Variants in MYH13 observed in about 807,000 individuals in gnomAD.
MYH13 encodes myosin-13.
MYH13 carries 177 observed loss-of-function variants against 232.1 expected under a neutral mutation model. The ratio of observed to expected loss-of-function variants is 0.76; its 90% CI spans 0.67 to 0.86. The LOEUF (loss-of-function observed/expected upper bound fraction) is 0.86. Among genes scored for constraint, MYH13 ranks in the 40% least tolerant of loss-of-function variants. MYH13 has a pLI of 0.00. For synonymous variants in MYH13, 884 were observed against 923.5 expected, an observed-to-expected ratio of 0.96 and a Z score of 0.78; for missense variants, 2,246 against 2,405.9, an observed-to-expected ratio of 0.93 and a Z score of 1.39.
At chr17:10,357,134 G>C (rs111857339) in intron 8 of MYH13, among the ~76,000 whole-genome samples, 3 of 152,024 alleles carry the variant, frequency 2.0e-5, no homozygotes, top group African/African-American at 7.2e-5. Flanking sequence ...CTAATTTTTT[G>C]TATTTTTAGT....
chr17:10,313,864 G>C (rs1906608013), intron 29 of MYH13, among the ~76,000 whole-genome samples: 1 of 152,202 alleles, frequency 6.6e-6, no homozygotes, highest in African/African-American at 2.4e-5. Context: ...AAGCCTGAAA[G>C]CATCTTTTGA....
chr17:10,358,312 A>G (rs1444827805), intron 7 of MYH13, among the ~76,000 whole-genome samples: 2 of 152,146 alleles, frequency 1.3e-5, no homozygotes, highest in African/African-American at 4.8e-5. Context: ...TATGAGAATG[A>G]TTATTCAGAA....
Position 10,344,052 on chromosome 17 carries a change from T to C in MYH13, c.1642A>G (p.Thr548Ala), listed in dbSNP as rs1448634375. The C allele has an allele frequency of 1.9e-6, 3 of 1,614,140 alleles. No homozygotes were observed. Among genetic ancestry groups the C allele is most frequent in the Non-Finnish European group, 1.7e-6 (2 of 1,180,020 alleles). The change falls in exon 16 of 41, where the codon ACC becomes GCC. Residue 548 changes from threonine (T) to alanine (A), a missense_variant. By Grantham distance (58) the Thr-to-Ala change is moderately conservative. Transcript: ENST00000252172. Reference protein sequence around the residue: ...EECMFPKATDTSFKNKLYDQH... With the variant: ...EECMFPKATDASFKNKLYDQH... ...TCATACAGCTTGTTCTTGAAGGAGG[T>C]GTCTGTTGCCTTGGGGAACATGCAC...
At chr17:10,369,533 T>C (rs929361729) in intron 2 of MYH13, among the ~76,000 whole-genome samples, 2 of 152,204 alleles carry the variant, frequency 1.3e-5, no homozygotes, top group Non-Finnish European at 2.9e-5. Flanking sequence ...TTGACAGTAT[T>C]GGTGTTAACA....
rs10587803 is a variant in MYH13 at position 10,353,931 on chromosome 17, A to AGAAGGAAGGAAGGAAGGAAG, written c.1005+729_1005+748dup. On this transcript the variant is annotated intron_variant, in intron 11 of 40. Transcript: ENST00000252172. ...AAGGAGAGAGAGAGGAAGGAAGGAAAGAAGGAAGGAAGGAAGGAAGGAAGG... is the reference window on the plus strand; with the variant it reads ...AAGGAGAGAGAGAGGAAGGAAGGAAAGAAGGAAGGAAGGAAGGAAGGAAGGAAGGAAGGAAGGAAGGAAGG... Among the ~76,000 whole-genome samples the AGAAGGAAGGAAGGAAGGAAG allele has an allele frequency of 4.0e-3, 579 of 146,152 alleles. 12 individuals carry two copies. The East Asian group carries it at 0.041, about 10-fold the overall frequency.
chr17:10,337,856 C>A (rs1299486284), intron 18 of MYH13, among the ~76,000 whole-genome samples: 4 of 152,084 alleles, frequency 2.6e-5, no homozygotes, highest in Non-Finnish European at 5.9e-5. Flanking sequence ...AGATCGAGAC[C>A]ATCCTGGCTA....
At chr17:10,308,331 A>G (rs1214680406) in intron 35 of MYH13, among the ~76,000 whole-genome samples, 1 of 150,986 alleles carries the variant, frequency 6.6e-6, no homozygotes, top group Non-Finnish European at 1.5e-5. Context: ...CTGTCTCAAA[A>G]AAAAAAAAAA....
Position 10,360,010 on chromosome 17 carries a change from T to C in MYH13, c.595A>G (p.Ile199Val), listed in dbSNP as rs369031834. 1.7e-4 allele frequency: 277 copies of C among 1,614,078 alleles called. 1 individual carries two copies. The South Asian group carries it at 2.8e-3, about 16-fold the overall frequency. The change falls in exon 7 of 41, where the codon ATT (isoleucine) becomes GTT (valine). Residue 199 changes from isoleucine to valine, a missense_variant. By Grantham distance (29) the Ile-to-Val change is conservative. Transcript: ENST00000252172. ...TTCTTCTTGTCCCCGGTAACTGCAA[T>C]TGTTGCAAAATACTGGATGACACGC... Reference protein sequence around the residue: ...TKRVIQYFATIAVTGDKKKET... With the variant: ...TKRVIQYFATVAVTGDKKKET...
chr17:10,364,168 G>A (rs1845179261), intron 3 of MYH13, among the ~76,000 whole-genome samples, 159 bp downstream of exon 3: 2 of 152,192 alleles, frequency 1.3e-5, no homozygotes, highest in Non-Finnish European at 2.9e-5. Flanking sequence ...GAAGGTGCAT[G>A]TAATAGCAGC....
At chr17:10,322,735 G>A (rs539783814) in intron 23 of MYH13, among the ~76,000 whole-genome samples, 163 of 144,264 alleles carry the variant, frequency 1.1e-3, no homozygotes, top group Admixed American at 4.1e-3. Context: ...CCGGGTTCAC[G>A]CCATTCTCCG....
At chr17:10,370,307 T>G (rs749371274) in intron 2 of MYH13, among the ~76,000 whole-genome samples, 3 of 152,236 alleles carry the variant, frequency 2.0e-5, no homozygotes, top group Non-Finnish European at 4.4e-5. Context: ...AACTGTGAGT[T>G]GGGACCCAGG....
At chr17:10,360,837 A>T (rs2071786512) in intron 5 of MYH13, among the ~76,000 whole-genome samples, 1 of 152,174 alleles carries the variant, frequency 6.6e-6, no homozygotes. Context: ...AGAAATTTGG[A>T]GACACACAAG....
chr17:10,306,673 C>G lies in MYH13; in HGVS notation c.5296-44G>C. ...CACATCAGAGGCCCTGTCCGCCCAT[C>G]CCTACCCAGAGCTTGCAGAAGAGGC... On this transcript the variant is annotated intron_variant, in intron 36 of 40. Transcript: ENST00000252172. The surrounding 1 kb of genome is among the most constrained non-coding windows in gnomAD (Gnocchi z 4.3). 6.2e-7 allele frequency: 1 copy of G among 1,610,234 alleles called. No individual in the cohort carries two copies. The highest frequency in any genetic ancestry group is 8.5e-7 in the Non-Finnish European group (1 of 1,178,504).
chr17:10,367,671 T>C (rs937759073), intron 2 of MYH13, among the ~76,000 whole-genome samples: 1 of 152,158 alleles, frequency 6.6e-6, no homozygotes, highest in Admixed American at 6.6e-5. Context: ...TTAATAAAAA[T>C]TACCATATTT....
intron 20 of MYH13, among the ~76,000 whole-genome samples, chr17:10,331,063 C>T (rs1364156153): frequency 6.6e-6 from 1 of 152,066 alleles, no homozygotes; most frequent in Admixed American, 6.6e-5. Flanking sequence ...ACAAAAACAA[C>T]GTGTGTTCCA....
rs1194283010 is a variant in MYH13, at chr17:10,306,641, C to T, written c.5296-12G>A. ...GCCATCATGGCAGCCTGGTTAAGTT[C>T]ACAGGACACATCAGAGGCCCTGTCC... On this transcript the variant is annotated splice_polypyrimidine_tract_variant and intron_variant, in intron 36 of 40. Transcript: ENST00000252172. This position sits in a 1 kb window ranked among gnomAD's most constrained non-coding sequence, Gnocchi z 4.3. The T allele has an allele frequency of 4.3e-6, 7 of 1,613,786 alleles. No homozygotes were observed. Among genetic ancestry groups the T allele is most frequent in the Non-Finnish European group, 5.9e-6 (7 of 1,179,968 alleles).
At chr17:10,322,300 A>G (rs542227761) in intron 23 of MYH13, among the ~76,000 whole-genome samples, 17 of 152,220 alleles carry the variant, frequency 1.1e-4, no homozygotes, top group African/African-American at 4.1e-4. Context: ...CAGGAGGCTG[A>G]AACAGGAGAA....
Position 10,309,426 on chromosome 17 carries a change from C to T in MYH13, c.4977G>A (p.Leu1659=), listed in dbSNP as rs377476709. 1.2e-6 allele frequency: 2 copies of T among 1,603,244 alleles called. No individual in the cohort carries two copies. The highest frequency in any genetic ancestry group is 1.6e-4 in the Middle Eastern group (1 of 6,068). ...TVQGQLKDSQ[L]HLDDALRSNE... The stretch of plus-strand genomic sequence containing the variant: ...TGCTCCTCAGGGCGTCATCGAGATG[C>T]AGCTGGGAGTCCTGCAGGGGAGACC... The change falls in exon 35 of 41, where the codon CTG becomes CTA. Residue 1659 remains leucine (L), a synonymous_variant. Coordinates refer to ENST00000252172, the MANE Select transcript of MYH13 (RefSeq NM_003802.3).
intron 1 of MYH13, among the ~76,000 whole-genome samples, chr17:10,371,956 A>T (rs988310658): frequency 6.6e-6 from 1 of 152,076 alleles, no homozygotes; most frequent in African/African-American, 2.4e-5. Flanking sequence ...TGTCTGAAAA[A>T]TTTTCAATAT....
Sources: allele counts gnomAD v4.1 joint callset (sites outside exome capture counted in the v4.1 genomes callset), GRCh38; gene constraint gnomAD v4.1.1; non-coding constraint Gnocchi (gnomAD v3.1); transcripts MANE v1.5; gene names NCBI Gene and HGNC (gene_info 2026-07-23, HGNC 2026-07-21).